Variants in NCALD observed in about 807,000 individuals in gnomAD.
NCALD encodes neurocalcin delta.
NCALD carries 10 observed loss-of-function variants against 18.6 expected under a neutral mutation model. The observed-to-expected ratio is 0.54, with a 90% CI of 0.33 to 0.91. The LOEUF (loss-of-function observed/expected upper bound fraction) is 0.91, where lower values mean the gene tolerates loss of function less well. NCALD is among the 40% of genes least tolerant of loss of function. The pLI, the probability that NCALD is intolerant of heterozygous loss-of-function variation, is 0.03. For synonymous variants in NCALD, 88 were observed against 87.4 expected (o/e 1.01, Z -0.04); for missense variants, 184 against 247.6 (o/e 0.74, Z 1.72).
chr8:102,031,774 G>A (rs993323151), intron 1 of NCALD, among the ~76,000 whole-genome samples: 2 of 152,054 alleles, frequency 1.3e-5, no homozygotes, highest in East Asian at 3.9e-4. Context: ...AGTTAGCTAG[G>A]AATAAATAGG....
chr8:101,728,503 T>C (rs1427601312), intron 1 of NCALD, among the ~76,000 whole-genome samples: 1 of 152,180 alleles, frequency 6.6e-6, no homozygotes, highest in African/African-American at 2.4e-5. Flanking sequence ...ACCACAGGGA[T>C]TCCTGAAAGA....
chr8:101,786,253 A>T (rs1469873675), intron 1 of NCALD, among the ~76,000 whole-genome samples: 1 of 152,200 alleles, frequency 6.6e-6, no homozygotes, highest in Non-Finnish European at 1.5e-5. Context: ...TTTGAATAAA[A>T]GCTCAAGCAA....
intron 2 of NCALD, among the ~76,000 whole-genome samples, chr8:101,928,584 G>A (rs918076090): frequency 1.3e-5 from 2 of 151,182 alleles, no homozygotes; most frequent in African/African-American, 2.4e-5. Context: ...AATCAAATGG[G>A]CTCAGGCTAT....
chr8:101,713,418 A>C (rs1815906666), intron 2 of NCALD, among the ~76,000 whole-genome samples: 1 of 152,116 alleles, frequency 6.6e-6, no homozygotes, highest in Non-Finnish European at 1.5e-5. Flanking sequence ...ACAAGAAATA[A>C]CTAAGATCAG....
At chr8:101,994,372 C>T (rs1396463602) in intron 2 of NCALD, among the ~76,000 whole-genome samples, 3 of 152,168 alleles carry the variant, frequency 2.0e-5, no homozygotes, top group Admixed American at 1.3e-4. Flanking sequence ...TCAAGCCTCA[C>T]CCCACCCCTG....
At chr8:102,017,587 C>T (rs1053283504) in intron 2 of NCALD, among the ~76,000 whole-genome samples, 11 of 152,040 alleles carry the variant, frequency 7.2e-5, no homozygotes, top group Admixed American at 5.2e-4. Flanking sequence ...CCCAGCTACT[C>T]GGGAGGCTGA....
chr8:101,812,170 C>T (rs551132231), intron 4 of NCALD, among the ~76,000 whole-genome samples: 1 of 152,272 alleles, frequency 6.6e-6, no homozygotes, highest in South Asian at 2.1e-4. Flanking sequence ...AATGCAAGTT[C>T]TCTCTTAAGA....
At chr8:101,999,395 T>C (rs1821361728) in intron 2 of NCALD, among the ~76,000 whole-genome samples, 1 of 152,230 alleles carries the variant, frequency 6.6e-6, no homozygotes, top group South Asian at 2.1e-4. Context: ...TGGAGACCAT[T>C]ATTCTAAGTG....
At chr8:102,010,435 T>C (rs143566223) in intron 2 of NCALD, among the ~76,000 whole-genome samples, 3 of 152,354 alleles carry the variant, frequency 2.0e-5, no homozygotes, top group Admixed American at 1.3e-4. Context: ...GTCTGAGCTT[T>C]TTAAATTTGG....
At chr8:102,080,823 C>G (rs1824504336) in intron 1 of NCALD, among the ~76,000 whole-genome samples, 1 of 152,236 alleles carries the variant, frequency 6.6e-6, no homozygotes, top group Admixed American at 6.5e-5. Context: ...TCTGAGGCTC[C>G]AGCTGGTCTG....
At chr8:101,790,799 G>C (rs1232634366) in intron 1 of NCALD, 63 bp downstream of exon 1, 1 of 152,232 alleles carries the variant, frequency 6.6e-6, no homozygotes, top group Non-Finnish European at 1.5e-5. Context: ...AGGTAAGAGA[G>C]AGGGGAAAAC....
intron 1 of NCALD, among the ~76,000 whole-genome samples, chr8:102,049,032 T>C (rs1487444689): frequency 1.3e-5 from 2 of 152,242 alleles, no homozygotes; most frequent in Admixed American, 1.3e-4. Flanking sequence ...GCTTATCATA[T>C]GTGAGGCACT....
chr8:102,026,453 C>T (rs1044858516), intron 1 of NCALD, among the ~76,000 whole-genome samples: 1 of 152,214 alleles, frequency 6.6e-6, no homozygotes, highest in African/African-American at 2.4e-5. Flanking sequence ...AGTCTGAAAT[C>T]TAACAAGGCA....
chr8:101,872,792 A>G (rs1342273323), intron 4 of NCALD, among the ~76,000 whole-genome samples: 3 of 152,154 alleles, frequency 2.0e-5, no homozygotes, highest in African/African-American at 4.8e-5. Context: ...TGCCAAAACT[A>G]TATGTCATGG....
intron 2 of NCALD, among the ~76,000 whole-genome samples, chr8:101,933,494 G>A (rs1818650540): frequency 6.6e-6 from 1 of 152,204 alleles, no homozygotes; most frequent in Non-Finnish European, 1.5e-5. Context: ...ACTGATTTCA[G>A]ACTTTTGACC....
At chr8:101,999,764 C>G (rs1821378613) in intron 2 of NCALD, among the ~76,000 whole-genome samples, 1 of 150,774 alleles carries the variant, frequency 6.6e-6, no homozygotes, top group South Asian at 2.1e-4. Flanking sequence ...TAATAACATT[C>G]AAGTGCTTAT....
intron 1 of NCALD, chr8:101,789,169 A>T (rs977207300): frequency 7.2e-5 from 11 of 152,216 alleles, no homozygotes; most frequent in Non-Finnish European, 1.6e-4. Context: ...TAAATGTCAA[A>T]GTGTACCTCA....
intron 4 of NCALD, among the ~76,000 whole-genome samples, chr8:101,826,020 A>G (rs1813923195): frequency 6.6e-6 from 1 of 152,244 alleles, no homozygotes; most frequent in African/African-American, 2.4e-5. Context: ...TTTTGTTGCT[A>G]GAATCAAAGT....
At chr8:101,797,186 A>T (rs1812668415) in intron 4 of NCALD, among the ~76,000 whole-genome samples, 1 of 152,258 alleles carries the variant, frequency 6.6e-6, no homozygotes, top group South Asian at 2.1e-4. Context: ...CAACCTTGGC[A>T]AAATAAACTT....
Sources: allele counts gnomAD v4.1 joint callset (sites outside exome capture counted in the v4.1 genomes callset), GRCh38; gene constraint gnomAD v4.1.1; transcripts MANE v1.5; gene names NCBI Gene and HGNC (gene_info 2026-07-23, HGNC 2026-07-21).